VIT: variants seen among roughly 807,000 people sequenced by gnomAD.
The protein encoded by VIT is vitrin.
Under a neutral mutation model 78.0 loss-of-function variants are expected in VIT, and 99 were observed. That is an observed-to-expected ratio of 1.27 (90% CI 1.08 to 1.50). VIT has a LOEUF of 1.50. Ranked by LOEUF, VIT falls within the 40% of genes most tolerant of loss-of-function variation. The probability of loss-of-function intolerance (pLI) is 0.00; values close to 1 mark genes in which losing one functional copy is unlikely to be tolerated. For missense variants in VIT, 1,126 were observed against 875.3 expected, an observed-to-expected ratio of 1.29 and a Z score of -3.61; for synonymous variants, 374 against 334.3, an observed-to-expected ratio of 1.12 and a Z score of -1.29.
chr2:36,797,195 G>C (rs561947430), intron 12 of VIT, among the ~76,000 whole-genome samples: 1 of 151,956 alleles, frequency 6.6e-6, no homozygotes, highest in Admixed American at 6.6e-5. Context: ...CAGTTTGGGG[G>C]CTCTCTTAAA....
intron 13 of VIT, among the ~76,000 whole-genome samples, chr2:36,804,989 A>C (rs570961938): frequency 4.1e-4 from 62 of 152,214 alleles, no homozygotes; most frequent in East Asian, 1.2e-3. Flanking sequence ...TGTACACATA[A>C]AAATAGTTGA....
At chr2:36,756,285 G>A (rs10179914) in intron 5 of VIT, among the ~76,000 whole-genome samples, 1 of 151,910 alleles carries the variant, frequency 6.6e-6, no homozygotes, top group African/African-American at 2.4e-5. Flanking sequence ...CACCTTATAC[G>A]TACCCTACTC....
chr2:36,702,399 C>T (rs898128246), intron 1 of VIT, among the ~76,000 whole-genome samples: 2 of 128,936 alleles, frequency 1.6e-5, no homozygotes, highest in African/African-American at 5.8e-5. Context: ...AGGCCAAGCT[C>T]AGAGGATTTT....
intron 2 of VIT, among the ~76,000 whole-genome samples, chr2:36,718,169 T>A (rs1011634882): frequency 2.6e-5 from 4 of 152,046 alleles, no homozygotes; most frequent in African/African-American, 7.2e-5. Context: ...CCAAATAAGG[T>A]CACATTCTAA....
intron 14 of VIT, among the ~76,000 whole-genome samples, chr2:36,806,436 T>G (rs1028401185): frequency 1.3e-5 from 2 of 152,194 alleles, no homozygotes; most frequent in African/African-American, 4.8e-5. Flanking sequence ...CTTATTTCAT[T>G]GCCTCTTGCC....
chr2:36,768,036 C>T lies in VIT; in HGVS notation c.679+751C>T, dbSNP rs551113956. 7.9e-5 allele frequency among the ~76,000 whole-genome samples: 12 copies of T among 152,310 alleles called. 1 individual carries two copies. The highest frequency in any genetic ancestry group is 6.2e-4 in the South Asian group (3 of 4,822). Reference sequence around the variant, plus strand: ...GCTCTGGACTTGTTCTTTTCAGGCTCGCCTCCAGCTTGCAGTCACTACTGC... The same window carrying T: ...GCTCTGGACTTGTTCTTTTCAGGCTTGCCTCCAGCTTGCAGTCACTACTGC... On this transcript the variant is annotated intron_variant, in intron 7 of 15. Coordinates refer to ENST00000379242, the MANE Select transcript of VIT (RefSeq NM_053276.4).
At chr2:36,753,198 G>C (rs1373696947) in intron 4 of VIT, among the ~76,000 whole-genome samples, 2 of 85,410 alleles carry the variant, frequency 2.3e-5, no homozygotes, top group Non-Finnish European at 4.9e-5. Context: ...CACACACTGG[G>C]GCCTGTCAGA....
intron 1 of VIT, among the ~76,000 whole-genome samples, chr2:36,715,373 C>G (rs973789861): frequency 6.6e-6 from 1 of 152,006 alleles, no homozygotes; most frequent in East Asian, 1.9e-4. Context: ...CCAGTCTCTA[C>G]TAAAAATACA....
chr2:36,782,277 T>G (rs895764588), intron 10 of VIT, among the ~76,000 whole-genome samples: 1 of 152,160 alleles, frequency 6.6e-6, no homozygotes, highest in Non-Finnish European at 1.5e-5. Context: ...CCTCTGGACT[T>G]GTACTTCTCC....
At chr2:36,785,508 T>C (rs1007503741) in intron 11 of VIT, among the ~76,000 whole-genome samples, 2 of 152,204 alleles carry the variant, frequency 1.3e-5, no homozygotes, top group Non-Finnish European at 2.9e-5. Flanking sequence ...TTTAGTGGCA[T>C]TTTTCAACTC....
chr2:36,795,403 A>ATTTATTTTAT (rs1159620880), intron 12 of VIT, among the ~76,000 whole-genome samples: 1 of 147,212 alleles, frequency 6.8e-6, no homozygotes, highest in African/African-American at 2.5e-5. Flanking sequence ...TTTATATTTT[A>ATTTATTTTAT]TTTATTTTAT....
At chr2:36,811,073 G>A (rs1667129850) in intron 15 of VIT, among the ~76,000 whole-genome samples, 1 of 152,242 alleles carries the variant, frequency 6.6e-6, no homozygotes, top group African/African-American at 2.4e-5. Flanking sequence ...ACGGGGTTCA[G>A]GCAGAGTCTT....
intron 14 of VIT, among the ~76,000 whole-genome samples, chr2:36,805,977 A>C (rs1666694724): frequency 6.6e-6 from 1 of 151,910 alleles, no homozygotes; most frequent in South Asian, 2.1e-4. Context: ...CATGCAAGCG[A>C]ACATACTCTC....
chr2:36,779,897 A>C lies in VIT; in HGVS notation c.803-1830A>C, dbSNP rs532961199. 1.8e-3 allele frequency among the ~76,000 whole-genome samples: 277 copies of C among 150,800 alleles called. 1 individual carries two copies. The highest frequency in any genetic ancestry group is 2.9e-3 in the Non-Finnish European group (195 of 67,476). ...ATGTGACAGTGTAGGGAAAGTCTTT[A>C]TGACAACCCTACACTGCAAAAAACT... On this transcript the variant is annotated intron_variant, in intron 9 of 15. Transcript: ENST00000379242.
chr2:36,789,808 G>A (rs1220965092), intron 12 of VIT, among the ~76,000 whole-genome samples: 1 of 152,160 alleles, frequency 6.6e-6, no homozygotes, highest in Non-Finnish European at 1.5e-5. Flanking sequence ...GTGTTGTAGT[G>A]AGGAAATGAG....
At chr2:36,793,130 A>T (rs1665624191) in intron 12 of VIT, among the ~76,000 whole-genome samples, 1 of 152,108 alleles carries the variant, frequency 6.6e-6, no homozygotes, top group African/African-American at 2.4e-5. Context: ...ACACTCACTG[A>T]GCCCTGTGAT....
intron 9 of VIT, among the ~76,000 whole-genome samples, chr2:36,781,510 A>T (rs564613869): frequency 6.6e-6 from 1 of 152,216 alleles, no homozygotes; most frequent in Non-Finnish European, 1.5e-5. Context: ...AATGAAAAAG[A>T]AATTGGTAAA....
intron 4 of VIT, among the ~76,000 whole-genome samples, chr2:36,753,286 T>A (rs943401372): frequency 5.9e-5 from 9 of 152,038 alleles, no homozygotes; most frequent in African/African-American, 2.2e-4. Context: ...GATGGGATGA[T>A]CTGTGCAGCA....
At chr2:36,757,463 G>A (rs1479001515) in intron 5 of VIT, among the ~76,000 whole-genome samples, 2 of 151,682 alleles carry the variant, frequency 1.3e-5, no homozygotes, top group Non-Finnish European at 2.9e-5. Flanking sequence ...AATAGAAACA[G>A]AAAAAAAAAT....
Sources: allele counts gnomAD v4.1 joint callset (sites outside exome capture counted in the v4.1 genomes callset), GRCh38; gene constraint gnomAD v4.1.1; transcripts MANE v1.5; gene names NCBI Gene and HGNC (gene_info 2026-07-23, HGNC 2026-07-21).